Variants in ZNF805 observed in about 807,000 individuals in gnomAD.
ZNF805 encodes the protein zinc finger protein 805, also known as CTC-444N24.8.
A neutral mutation model predicts 13.6 loss-of-function variants in ZNF805; 7 were observed. That is an observed-to-expected ratio of 0.51 (90% confidence interval 0.29 to 0.97). ZNF805 has a LOEUF of 0.97. Among genes scored for constraint, ZNF805 ranks in the 50% least tolerant of loss-of-function variants. The pLI is 0.08. For missense variants in ZNF805, 604 were observed against 771.0 expected (o/e 0.78, Z 2.57); for synonymous variants, 293 against 279.8 (o/e 1.05, Z -0.47).
Position 57,253,727 on chromosome 19 carries a change from T to C in ZNF805, c.908T>C (p.Val303Ala). ...GKAFTHRSTF[V>A]LHNRSHTGEK... ...GCCTTCACCCACCGCTCCACTTTTG[T>C]CTTGCATAACAGGAGCCACACTGGA... is the stretch of plus-strand genomic sequence containing the variant. The change falls in exon 4 of 4, where the codon GTC (valine) becomes GCC (alanine). Residue 303 changes from valine (V) to alanine (A), a missense_variant. By Grantham distance (64) the Val-to-Ala change is moderately conservative. Coordinates refer to ENST00000414468, the MANE Select transcript of ZNF805 (RefSeq NM_001023563.4). The surrounding 1 kb of genome is among the most constrained non-coding windows in gnomAD (Gnocchi z 4.4). The C allele has an allele frequency of 6.2e-7, 1 of 1,613,880 alleles. No individual in the cohort carries two copies. Among genetic ancestry groups the C allele is most frequent in the South Asian group, 1.1e-5 (1 of 91,052 alleles).
intron 2 of ZNF805, among the ~76,000 whole-genome samples, chr19:57,247,246 T>G (rs1330023775): frequency 6.6e-6 from 1 of 152,138 alleles, no homozygotes; most frequent in Non-Finnish European, 1.5e-5. Context: ...ATTTTAATGG[T>G]TCGTGAAATG....
chr19:57,254,383 T>C lies in ZNF805; in HGVS notation c.1564T>C (p.Trp522Arg). 1 of 1,613,274 alleles carries C rather than the reference T, an allele frequency of 6.2e-7. No individual in the cohort carries two copies. The highest frequency in any genetic ancestry group is 1.1e-5 in the South Asian group (1 of 91,042). ...ECIECGKTFC[W>R]STNLIRHSII... ...CATCGAGTGTGGGAAAACATTTTGC[T>C]GGAGCACAAACCTCATTCGACACTC... Residue 522 changes from tryptophan (W) to arginine (R), a missense_variant, in exon 4 of 4, where the codon TGG becomes CGG. Physicochemically the swap from Trp to Arg is moderately radical, Grantham distance 101. Coordinates refer to ENST00000414468, the MANE Select transcript of ZNF805 (RefSeq NM_001023563.4).
At chr19:57,244,894 C>T (rs547517946) in intron 2 of ZNF805, among the ~76,000 whole-genome samples, 68 of 151,982 alleles carry the variant, frequency 4.5e-4, no homozygotes, top group African/African-American at 1.6e-3. Context: ...CCACCTCCAG[C>T]TCATACTTGC....
intron 3 of ZNF805, among the ~76,000 whole-genome samples, chr19:57,250,881 T>C (rs10406954): frequency 0.18 from 27,576 of 152,152 alleles, 2,617 homozygotes; most frequent in South Asian, 0.2. Context: ...GTTTATATTA[T>C]ACGTTTTCAT....
Position 57,253,483 on chromosome 19 carries a change from GAGA to G in ZNF805, c.665_667del (p.Glu222_Arg223delinsGly). 1 of 1,604,458 alleles carries G rather than the reference GAGA, an allele frequency of 6.2e-7. No individual in the cohort carries two copies. Among genetic ancestry groups the G allele is most frequent in the South Asian group, 1.1e-5 (1 of 89,962 alleles). On this transcript the variant is annotated inframe_deletion, in exon 4 of 4. Coordinates refer to ENST00000414468, the MANE Select transcript of ZNF805 (RefSeq NM_001023563.4). This position sits in a 1 kb window ranked among gnomAD's most constrained non-coding sequence, Gnocchi z 4.4. Reference sequence around the variant, plus strand: ...CAAGAAACGCCTGCTTGCTCGGCATGAGAGGATTCACTCTGGAGTGAAGCCCTA... The same window carrying G: ...CAAGAAACGCCTGCTTGCTCGGCATGGGATTCACTCTGGAGTGAAGCCCTA...
intron 3 of ZNF805, among the ~76,000 whole-genome samples, chr19:57,250,819 T>C (rs2087647468): frequency 6.6e-6 from 1 of 152,238 alleles, no homozygotes; most frequent in Non-Finnish European, 1.5e-5. Flanking sequence ...TAGCTTCTCT[T>C]TTCCCCTGGT....
Position 57,244,064 on chromosome 19 carries a change from C to G in ZNF805, c.157+15C>G. ...GGTATCTCTGGGTAAGGCCTTCCCC[C>G]TCCACCATGCAGGGGATCTGCCACC... is the stretch of plus-strand genomic sequence containing the variant. On this transcript the variant is annotated intron_variant, in intron 2 of 3. Coordinates refer to ENST00000414468, the MANE Select transcript of ZNF805 (RefSeq NM_001023563.4). 1 of 1,611,408 alleles carries G rather than the reference C, an allele frequency of 6.2e-7. No homozygotes were observed. Among genetic ancestry groups the G allele is most frequent in the African/African-American group, 1.3e-5 (1 of 75,016 alleles).
In ZNF805 at chr19:57,254,478, C is replaced by G; in HGVS notation, c.1659C>G (p.Ser553=). 2.5e-6 allele frequency: 4 copies of G among 1,614,200 alleles called. No individual in the cohort carries two copies. Among genetic ancestry groups the G allele is most frequent in the Non-Finnish European group, 3.4e-6 (4 of 1,180,028 alleles). The change falls in exon 4 of 4, where the codon TCC becomes TCG. Residue 553 remains serine, a synonymous_variant. Transcript: ENST00000414468. The part of the protein sequence containing the change: ...ECGKAFSRSS[S]LTQHQRMHTG... ...GAAAGGCCTTCAGTCGCAGCTCGTCCCTCACTCAGCATCAAAGGATGCATA... is the reference window on the plus strand; with the variant it reads ...GAAAGGCCTTCAGTCGCAGCTCGTCGCTCACTCAGCATCAAAGGATGCATA...
intron 1 of ZNF805, among the ~76,000 whole-genome samples, chr19:57,242,257 T>C (rs1391188943): frequency 1.3e-5 from 2 of 152,240 alleles, no homozygotes; most frequent in Non-Finnish European, 2.9e-5. Flanking sequence ...TGAGAAGCCC[T>C]GAGGTGAACT....
chr19:57,240,910 G>C lies in ZNF805; in HGVS notation c.19G>C (p.Asp7His), dbSNP rs533627612. MAMALT[D>H]PAQVSVTFDD... ...TCCCGGTATGGCGATGGCTTTGACG[G>C]ACCCGGCGCAGGTGAGTGGACAAGG... Residue 7 changes from aspartate (D) to histidine (H), a missense_variant, in exon 1 of 4, where the codon GAC (aspartate) becomes CAC (histidine). By Grantham distance (81) the Asp-to-His change is moderately conservative. Transcript: ENST00000414468. The C allele has an allele frequency of 3.8e-4, 599 of 1,558,482 alleles. No homozygotes were observed. Among genetic ancestry groups the C allele is most frequent in the Non-Finnish European group, 5.0e-4 (578 of 1,151,472 alleles).
chr19:57,252,948 G>C, intron 3 of ZNF805, 125 bp from the exon 4 acceptor site: 1 of 862,014 alleles, frequency 1.2e-6, no homozygotes, highest in Non-Finnish European at 1.6e-6. Flanking sequence ...TGGGGTTCAA[G>C]ATGGCAAAAT....
At position 57,254,273 on chromosome 19, in the gene ZNF805, G is replaced by T; in HGVS notation, c.1454G>T (p.Cys485Phe). Reference sequence around the variant, plus strand: ...CACACTGGAGAGAAGCCCTATGAGTGCATGGAGTGTGGAAAGGCCTTCAAC... The same window carrying T: ...CACACTGGAGAGAAGCCCTATGAGTTCATGGAGTGTGGAAAGGCCTTCAAC... The part of the protein sequence containing the change: ...SIHTGEKPYE[C>F]MECGKAFNRR... The change falls in exon 4 of 4, where the codon TGC (cysteine) becomes TTC (phenylalanine). Residue 485 changes from cysteine to phenylalanine, a missense_variant. Around this residue, in one of 3 missense-constraint regions of ZNF805, gnomAD observed 228 missense variants for 352.8 expected, o/e 0.65. Transcript: ENST00000414468. 6.2e-6 allele frequency: 10 copies of T among 1,614,168 alleles called. No individual in the cohort carries two copies. Among genetic ancestry groups the T allele is most frequent in the East Asian group, 2.2e-5 (1 of 44,886 alleles).
Position 57,240,680 on chromosome 19 carries a change from C to T in ZNF805, c.-212C>T, listed in dbSNP as rs2087572885. The stretch of plus-strand genomic sequence containing the variant: ...GGAGGGGGCGGTGTTCCGTGGCCGC[C>T]TCCCTGGCGGCGCTGGGGAAATGAG... On this transcript the variant is annotated 5_prime_UTR_variant, in exon 1 of 4. Transcript: ENST00000414468. 3.8e-6 allele frequency: 2 copies of T among 523,628 alleles called. No individual in the cohort carries two copies. Among genetic ancestry groups the T allele is most frequent in the Non-Finnish European group, 6.8e-6 (2 of 294,874 alleles). 32.4% of individuals were successfully genotyped at this position (523,628 alleles called of 1,614,324 possible).
In ZNF805 at chr19:57,259,031, C is replaced by T. The variant is rs1242729734; in HGVS notation, c.*4328C>T. Among the ~76,000 whole-genome samples the T allele has an allele frequency of 1.3e-5, 2 of 152,176 alleles. No individual in the cohort carries two copies. The highest frequency in any genetic ancestry group is 2.9e-5 in the Non-Finnish European group (2 of 68,026). ...GATGAGAAATCTGTTGCCATTTGAA[C>T]CATTGTTCCCTAGTTCATAATGTGC... On this transcript the variant is annotated 3_prime_UTR_variant, in exon 4 of 4. Transcript: ENST00000414468.
rs2087730760 is a variant in ZNF805, at chr19:57,262,507, T to TA, written c.*7805dup. 6.0e-6 allele frequency: 1 copy of TA among 167,082 alleles called. No individual in the cohort carries two copies. Among genetic ancestry groups the TA allele is most frequent in the South Asian group, 2.1e-4 (1 of 4,832 alleles). The allele number at this position is 167,082 out of a possible 1,614,324, so 10.3% of individuals were successfully genotyped here. On this transcript the variant is annotated 3_prime_UTR_variant, in exon 4 of 4. Coordinates refer to ENST00000414468, the MANE Select transcript of ZNF805 (RefSeq NM_001023563.4). Reference sequence around the variant, plus strand: ...GGCTTCAAGTGGTTTGATTTGCAGATACACCCTTTCTTGGCCTTTATTTCG... The same window carrying TA: ...GGCTTCAAGTGGTTTGATTTGCAGATAACACCCTTTCTTGGCCTTTATTTCG...
chr19:57,248,090 T>C (rs1199369915), intron 2 of ZNF805, among the ~76,000 whole-genome samples: 1 of 152,156 alleles, frequency 6.6e-6, no homozygotes, highest in East Asian at 1.9e-4. Flanking sequence ...GCGCCTTTAG[T>C]CCCAGCTACT....
At chr19:57,248,247 A>G (rs1191787603) in intron 2 of ZNF805, among the ~76,000 whole-genome samples, 1 of 152,236 alleles carries the variant, frequency 6.6e-6, no homozygotes, top group East Asian at 1.9e-4. Context: ...GTGAAGATAC[A>G]TACCTTGTTC....
At chr19:57,245,940 A>C (rs1303873364) in intron 2 of ZNF805, among the ~76,000 whole-genome samples, 1 of 152,222 alleles carries the variant, frequency 6.6e-6, no homozygotes, top group Non-Finnish European at 1.5e-5. Context: ...TAAGGCGAGA[A>C]GCTCTTTTTC....
At chr19:57,249,780 CCTT>C (rs1186075368) in intron 3 of ZNF805, among the ~76,000 whole-genome samples, 1 of 150,986 alleles carries the variant, frequency 6.6e-6, no homozygotes, top group African/African-American at 2.4e-5. Flanking sequence ...TGACATTTGA[CCTT>C]CTGTGTCCCA....
Sources: allele counts gnomAD v4.1 joint callset (sites outside exome capture counted in the v4.1 genomes callset), GRCh38; gene constraint gnomAD v4.1.1; regional missense constraint gnomAD v4.1.1; non-coding constraint Gnocchi (gnomAD v3.1); transcripts MANE v1.5; gene names NCBI Gene and HGNC (gene_info 2026-07-23, HGNC 2026-07-21).